SLC38A6: variants seen among roughly 807,000 people sequenced by gnomAD.
SLC38A6 encodes N system amino acid transporter NAT-1.
A neutral mutation model predicts 65.0 loss-of-function variants in SLC38A6; 73 were observed. The ratio of observed to expected loss-of-function variants is 1.12; its 90% CI spans 0.93 to 1.37. The LOEUF is 1.37. Ranked by LOEUF, SLC38A6 falls within the 40% of genes most tolerant of loss-of-function variation. The pLI, the probability that SLC38A6 is intolerant of heterozygous loss-of-function variation, is 0.00. For missense variants in SLC38A6, 561 were observed against 531.1 expected, an observed-to-expected ratio of 1.06 and a Z score of -0.55; for synonymous variants, 183 against 178.8, an observed-to-expected ratio of 1.02 and a Z score of -0.19.
intron 15 of SLC38A6, among the ~76,000 whole-genome samples, chr14:61,077,819 C>G (rs948319869): frequency 6.6e-6 from 1 of 152,168 alleles, no homozygotes; most frequent in East Asian, 1.9e-4. Context: ...CTCCCACACT[C>G]AGTTACTTAA....
chr14:61,005,956 C>A (rs1191458446), intron 3 of SLC38A6, among the ~76,000 whole-genome samples: 5 of 152,150 alleles, frequency 3.3e-5, no homozygotes, highest in Non-Finnish European at 7.4e-5. Context: ...ACCAAAACAG[C>A]ATGGTACTGG....
intron 8 of SLC38A6, among the ~76,000 whole-genome samples, chr14:61,038,761 T>G (rs1472797454): frequency 6.6e-6 from 1 of 152,204 alleles, no homozygotes; most frequent in African/African-American, 2.4e-5. Flanking sequence ...TATTGAATGC[T>G]CTTAAAACTA....
At chr14:61,003,909 C>T (rs1378298594) in intron 3 of SLC38A6, among the ~76,000 whole-genome samples, 1 of 152,096 alleles carries the variant, frequency 6.6e-6, no homozygotes, top group Non-Finnish European at 1.5e-5. Flanking sequence ...CCATTGTAGT[C>T]AGTCTCCATT....
intron 15 of SLC38A6, among the ~76,000 whole-genome samples, chr14:61,073,284 C>G (rs2043291492): frequency 6.6e-6 from 1 of 151,902 alleles, no homozygotes; most frequent in Non-Finnish European, 1.5e-5. Flanking sequence ...GATTCTTAAT[C>G]CCACTTCAGA....
At chr14:60,997,209 C>G (rs945748254) in intron 3 of SLC38A6, among the ~76,000 whole-genome samples, 10 of 152,268 alleles carry the variant, frequency 6.6e-5, no homozygotes, top group African/African-American at 2.4e-4. Flanking sequence ...TCACTGCAAC[C>G]TCCACCTCCC....
At chr14:61,065,539 A>C (rs921661845) in intron 15 of SLC38A6, among the ~76,000 whole-genome samples, 1 of 152,244 alleles carries the variant, frequency 6.6e-6, no homozygotes, top group South Asian at 2.1e-4. Context: ...GAACTTTACA[A>C]TTTTTTCTCA....
Position 60,982,742 on chromosome 14 carries a change from AG to A in SLC38A6, c.236+105del, listed in dbSNP as rs2037156434. 3 of 1,301,522 alleles carry A rather than the reference AG, an allele frequency of 2.3e-6. No homozygotes were observed. In the East Asian group the frequency reaches 7.3e-5, roughly 32 times the overall value. The allele number at this position is 1,301,522 out of a possible 1,614,324, so 80.6% of individuals were successfully genotyped here. A position where few individuals can be genotyped will look rare whatever the true frequency, so the allele number is the denominator to read the frequency against. On this transcript the variant is annotated intron_variant, in intron 2 of 15. Transcript: ENST00000267488. The stretch of plus-strand genomic sequence containing the variant: ...AGCTGCTATTATACAATTTCTAGTT[AG>A]TTATTTCTGGGGTTTTAGCATTTTT...
chr14:61,061,046 G>A (rs912869979), intron 15 of SLC38A6, among the ~76,000 whole-genome samples: 7 of 151,888 alleles, frequency 4.6e-5, no homozygotes, highest in African/African-American at 7.3e-5. Context: ...AGAAGAACCC[G>A]GTACCTCAGA....
intron 15 of SLC38A6, among the ~76,000 whole-genome samples, chr14:61,061,226 G>T (rs10149064): frequency 0.85 from 129,686 of 152,164 alleles, 56,653 homozygotes; most frequent in Non-Finnish European, 0.96. Context: ...TTCTGTTTAT[G>T]TGATGAATCA....
chr14:61,008,517 G>A (rs2039321463), intron 3 of SLC38A6, among the ~76,000 whole-genome samples: 1 of 152,140 alleles, frequency 6.6e-6, no homozygotes, highest in Non-Finnish European at 1.5e-5. Flanking sequence ...TAAAAGATAT[G>A]TATTGCTGTA....
chr14:60,992,181 C>T (rs867498341), intron 3 of SLC38A6, among the ~76,000 whole-genome samples: 3 of 152,130 alleles, frequency 2.0e-5, no homozygotes, highest in African/African-American at 4.8e-5. Flanking sequence ...AATAGGTTGA[C>T]GACTCTCATC....
chr14:61,070,072 A>G (rs2043178552), intron 15 of SLC38A6, among the ~76,000 whole-genome samples: 1 of 152,228 alleles, frequency 6.6e-6, no homozygotes, highest in Non-Finnish European at 1.5e-5. Flanking sequence ...AACACCTAAC[A>G]TGAAATCTGC....
chr14:61,033,355 C>G (rs1248822057), intron 6 of SLC38A6, among the ~76,000 whole-genome samples: 1 of 151,988 alleles, frequency 6.6e-6, no homozygotes, highest in African/African-American at 2.4e-5. Context: ...ATATTTCATA[C>G]TTGGAACATT....
At chr14:61,009,468 T>C (rs527585993) in intron 3 of SLC38A6, among the ~76,000 whole-genome samples, 2 of 152,160 alleles carry the variant, frequency 1.3e-5, no homozygotes, top group Non-Finnish European at 2.9e-5. Flanking sequence ...ACATGTGCCA[T>C]GTTGGCGTGC....
intron 12 of SLC38A6, among the ~76,000 whole-genome samples, chr14:61,047,580 G>A (rs2139830110): frequency 6.6e-6 from 1 of 152,170 alleles, no homozygotes; most frequent in East Asian, 1.9e-4. Flanking sequence ...TGCTATAGAA[G>A]CCAGATTTCC....
At chr14:60,982,872 T>G (rs933756536) in intron 2 of SLC38A6, among the ~76,000 whole-genome samples, 11 of 152,280 alleles carry the variant, frequency 7.2e-5, no homozygotes, top group African/African-American at 2.6e-4. Flanking sequence ...TGATCCACAT[T>G]TCATTTATAA....
downstream of SLC38A6, among the ~76,000 whole-genome samples, chr14:61,055,232 G>A (rs1398520518): frequency 2.6e-5 from 2 of 78,092 alleles, no homozygotes; most frequent in Non-Finnish European, 5.1e-5. Flanking sequence ...GTGTCATCTA[G>A]CATTAGGTAT....
Position 60,993,493 on chromosome 14 carries a change from A to G in SLC38A6, c.310+8690A>G, listed in dbSNP as rs146475607. 8.3e-4 allele frequency among the ~76,000 whole-genome samples: 127 copies of G among 152,308 alleles called. 2 individuals are homozygous for G. The East Asian group carries it at 0.024, about 29-fold the overall frequency. On this transcript the variant is annotated intron_variant, in intron 3 of 15. Coordinates refer to ENST00000267488, the MANE Select transcript of SLC38A6 (RefSeq NM_153811.3). The stretch of plus-strand genomic sequence containing the variant: ...GTTAAGGCCAAGATCACCTTACTGA[A>G]AACAGGGAGATTAAGTGAAAGTCTA...
intron 5 of SLC38A6, among the ~76,000 whole-genome samples, chr14:61,023,405 T>C (rs2040440544): frequency 6.6e-6 from 1 of 151,810 alleles, no homozygotes; most frequent in South Asian, 2.1e-4. Context: ...ACCCAGTCTC[T>C]ACTAAAAATA....
Sources: allele counts gnomAD v4.1 joint callset (sites outside exome capture counted in the v4.1 genomes callset), GRCh38; gene constraint gnomAD v4.1.1; transcripts MANE v1.5; gene names NCBI Gene and HGNC (gene_info 2026-07-23, HGNC 2026-07-21).